ASS1: variants seen among roughly 807,000 people sequenced by gnomAD.
The protein encoded by ASS1 is argininosuccinate synthase.
Under a neutral mutation model 60.5 loss-of-function variants are expected in ASS1, and 58 were observed. The observed-to-expected ratio is 0.96, with a 90% CI of 0.78 to 1.19. The LOEUF is 1.19. Ranked by LOEUF, ASS1 falls within the 50% of genes most tolerant of loss-of-function variation. The pLI, the probability that ASS1 is intolerant of heterozygous loss-of-function variation, is 0.00. For missense variants in ASS1, 454 were observed against 547.3 expected, an observed-to-expected ratio of 0.83 and a Z score of 1.70; for synonymous variants, 200 against 206.9, an observed-to-expected ratio of 0.97 and a Z score of 0.29.
At chr9:130,445,876 C>T (rs947893428) in intron 1 of ASS1, among the ~76,000 whole-genome samples, 5 of 152,216 alleles carry the variant, frequency 3.3e-5, no homozygotes, top group African/African-American at 1.2e-4. Context: ...CAGACCTGTT[C>T]TCTCCCCAGG....
In ASS1 at chr9:130,491,259, A is replaced by G. The variant is rs565402275; in HGVS notation, c.970+1795A>G. ...AGCCCGGCGGGATTGCGACCCCGAAAGGAGGATTTTAGTTACAAAGTGAGA... is the reference window on the plus strand; with the variant it reads ...AGCCCGGCGGGATTGCGACCCCGAAGGGAGGATTTTAGTTACAAAGTGAGA... On this transcript the variant is annotated intron_variant, in intron 12 of 14. Coordinates refer to ENST00000352480, the MANE Select transcript of ASS1 (RefSeq NM_054012.4). The surrounding 1 kb of genome is among the most constrained non-coding windows in gnomAD (Gnocchi z 5.3). Among the ~76,000 whole-genome samples the G allele has an allele frequency of 8.5e-5, 13 of 152,190 alleles. No individual in the cohort carries two copies. The highest frequency in any genetic ancestry group is 2.6e-4 in the Admixed American group (4 of 15,288).
chr9:130,487,016 C>CT (rs35581111), intron 11 of ASS1, among the ~76,000 whole-genome samples: 21,416 of 152,194 alleles, frequency 0.14, 1,925 homozygotes, highest in African/African-American at 0.24. Context: ...CTCCAGTTGG[C>CT]TGGGTGGTAT....
At chr9:130,500,030 C>G (rs751729123) in intron 14 of ASS1, among the ~76,000 whole-genome samples, 7 of 152,212 alleles carry the variant, frequency 4.6e-5, no homozygotes, top group Non-Finnish European at 8.8e-5. Context: ...TCTGAAGTCA[C>G]TCAGACCTTT....
Position 130,459,289 on chromosome 9 carries a change from G to A in ASS1, c.363+700G>A, listed in dbSNP as rs994803514. ...GTGGCTGCGTCACTCCTGTCCTTCC[G>A]TCCTCCATCTTCCCAAGCTGTCTTC... On this transcript the variant is annotated intron_variant, in intron 4 of 14. Coordinates refer to ENST00000352480, the MANE Select transcript of ASS1 (RefSeq NM_054012.4). This position sits in a 1 kb window ranked among gnomAD's most constrained non-coding sequence, Gnocchi z 4.6. 5.9e-5 allele frequency among the ~76,000 whole-genome samples: 9 copies of A among 152,090 alleles called. No individual in the cohort carries two copies. The highest frequency in any genetic ancestry group is 2.1e-4 in the South Asian group (1 of 4,822).
intron 4 of ASS1, 93 bp downstream of exon 4, chr9:130,458,682 C>T (rs1588476172): frequency 1.3e-6 from 2 of 1,502,114 alleles, no homozygotes; most frequent in Middle Eastern, 2.3e-4. Context: ...CCTGGTGTGC[C>T]TCCGGGGCAG....
chr9:130,467,074 C>G (rs1399752567), intron 6 of ASS1, among the ~76,000 whole-genome samples: 1 of 152,194 alleles, frequency 6.6e-6, no homozygotes, highest in Non-Finnish European at 1.5e-5. Context: ...CTCACTCTCT[C>G]TCCTGCTCCC....
At chr9:130,484,411 C>G (rs1051772602) in intron 11 of ASS1, among the ~76,000 whole-genome samples, 2 of 152,024 alleles carry the variant, frequency 1.3e-5, no homozygotes, top group Non-Finnish European at 2.9e-5. Flanking sequence ...CCCCAGCCAC[C>G]CCTGGCCACC....
At chr9:130,450,775 C>T (rs769097322) in intron 1 of ASS1, among the ~76,000 whole-genome samples, 30 of 152,352 alleles carry the variant, frequency 2.0e-4, no homozygotes, top group Middle Eastern at 3.4e-3. Context: ...CTCAGGATAG[C>T]GATGCCTGCA....
At position 130,489,257 on chromosome 9, in the gene ASS1, G is replaced by GT; in HGVS notation, c.839-75dup. 1 of 1,273,964 alleles carries GT rather than the reference G, an allele frequency of 7.8e-7. No homozygotes were observed. 78.9% of individuals were successfully genotyped at this position (1,273,964 alleles called of 1,614,324 possible). A position where few individuals can be genotyped will look rare whatever the true frequency, so the allele number is the denominator to read the frequency against. The stretch of plus-strand genomic sequence containing the variant: ...CATTATTATTATTATTTTTTTTTTT[G>GT]TCATTTGCTGACAGTTTGGGTTTCA... On this transcript the variant is annotated intron_variant, in intron 11 of 14. Coordinates refer to ENST00000352480, the MANE Select transcript of ASS1 (RefSeq NM_054012.4). The surrounding 1 kb of genome is among the most constrained non-coding windows in gnomAD (Gnocchi z 4.1).
At chr9:130,463,349 G>T (rs1330470302) in intron 4 of ASS1, among the ~76,000 whole-genome samples, 1 of 152,254 alleles carries the variant, frequency 6.6e-6, no homozygotes, top group African/African-American at 2.4e-5. Flanking sequence ...CATCAGTGTG[G>T]ACGGTGGTCC....
chr9:130,464,569 C>T (rs1237788546), intron 5 of ASS1, among the ~76,000 whole-genome samples: 2 of 152,104 alleles, frequency 1.3e-5, no homozygotes, highest in Non-Finnish European at 2.9e-5. Flanking sequence ...ATGCTCAGAG[C>T]CCTCCGAGCC....
intron 11 of ASS1, among the ~76,000 whole-genome samples, chr9:130,486,142 G>A (rs1417966002): frequency 6.6e-6 from 1 of 151,960 alleles, no homozygotes; most frequent in Non-Finnish European, 1.5e-5. Context: ...CCATTTTTTT[G>A]TAGAGACGGG....
rs1235406090 is a variant in ASS1, at chr9:130,491,322, C to T, written c.970+1858C>T. Among the ~76,000 whole-genome samples, 2 of 151,798 alleles carry T rather than the reference C, an allele frequency of 1.3e-5. No homozygotes were observed. Among genetic ancestry groups the T allele is most frequent in the East Asian group, 2.0e-4 (1 of 5,072 alleles). On this transcript the variant is annotated intron_variant, in intron 12 of 14. Transcript: ENST00000352480. The surrounding 1 kb of genome is among the most constrained non-coding windows in gnomAD (Gnocchi z 5.3). Reference sequence around the variant, plus strand: ...CGTGGCGGAGGAGAGAGCACCTGGCCGGGCTGCTCCGGGGCCTCCACGGAG... The same window carrying T: ...CGTGGCGGAGGAGAGAGCACCTGGCTGGGCTGCTCCGGGGCCTCCACGGAG...
chr9:130,495,430 T>TAC (rs1207000958), intron 13 of ASS1, among the ~76,000 whole-genome samples: 3 of 147,292 alleles, frequency 2.0e-5, no homozygotes, highest in East Asian at 2.0e-4. Context: ...AAAATATATA[T>TAC]ACACACACAC....
intron 11 of ASS1, among the ~76,000 whole-genome samples, chr9:130,485,977 GTCA>G (rs1158724042): frequency 2.6e-5 from 4 of 152,060 alleles, no homozygotes; most frequent in South Asian, 4.1e-4. Flanking sequence ...TTTGTGTGCG[GTCA>G]TCATGTTTTG....
chr9:130,465,504 C>T (rs1315395207), intron 5 of ASS1, among the ~76,000 whole-genome samples: 1 of 152,220 alleles, frequency 6.6e-6, no homozygotes, highest in African/African-American at 2.4e-5. Flanking sequence ...GTGCTGCATG[C>T]AGGCATGTCT....
At chr9:130,471,336 A>G (rs1845861100) in intron 7 of ASS1, 149 bp from the exon 8 acceptor site, 3 of 979,452 alleles carry the variant, frequency 3.1e-6, no homozygotes, top group Non-Finnish European at 3.2e-6. Flanking sequence ...TGGTGGGCCC[A>G]GAATGTTTCA....
chr9:130,444,745 C>CAGGCCCGGACCT (rs1340063901), upstream of ASS1, among the ~76,000 whole-genome samples: 3 of 151,866 alleles, frequency 2.0e-5, no homozygotes, highest in East Asian at 3.9e-4. The surrounding 1 kb of genome is among the most constrained non-coding windows in gnomAD (Gnocchi z 4.7). Context: ...GCGCCGGGCC[C>CAGGCCCGGACCT]AGGCCCGGAC....
In ASS1 at chr9:130,472,292, C is replaced by T. The variant is rs553889263; in HGVS notation, c.597+777C>T. 7.9e-5 allele frequency among the ~76,000 whole-genome samples: 12 copies of T among 152,178 alleles called. No homozygotes were observed. In the South Asian group the frequency reaches 2.5e-3, roughly 32 times the overall value. The stretch of plus-strand genomic sequence containing the variant: ...GAAGACCAGCTGGAGGGGAGGGTGC[C>T]CGGGGAGGTTTGGTGAAATTGGGGA... On this transcript the variant is annotated intron_variant, in intron 8 of 14. Transcript: ENST00000352480.
Sources: gnomAD v4.1 joint callset for allele counts (sites outside exome capture counted in the v4.1 genomes callset) on GRCh38, gnomAD v4.1.1 for gene constraint, Gnocchi (gnomAD v3.1) non-coding constraint, MANE v1.5 for transcripts, NCBI Gene and HGNC (gene_info 2026-07-23, HGNC 2026-07-21) for gene names.